RAPGEF4: variants seen among roughly 807,000 people sequenced by gnomAD.
RAPGEF4 encodes Rap guanine nucleotide exchange factor 4.
A neutral mutation model predicts 147.9 loss-of-function variants in RAPGEF4; 66 were observed. That is an observed-to-expected ratio of 0.45 (90% CI 0.37 to 0.55). The LOEUF (loss-of-function observed/expected upper bound fraction) is 0.55, where lower values mean the gene tolerates loss of function less well. Ranked by LOEUF, RAPGEF4 falls within the 20% of genes least tolerant of loss-of-function variation. RAPGEF4 has a pLI of 0.00. For synonymous variants in RAPGEF4, 419 were observed against 442.7 expected (o/e 0.95, Z 0.67); for missense variants, 1,071 against 1,257.3 (o/e 0.85, Z 2.24).
intron 5 of RAPGEF4, among the ~76,000 whole-genome samples, chr2:172,919,106 A>G (rs902568932): frequency 6.6e-6 from 1 of 152,020 alleles, no homozygotes; most frequent in Non-Finnish European, 1.5e-5. Context: ...CTCCTGGCTG[A>G]GCCAGGGATG....
chr2:172,799,595 G>A (rs1226675517), intron 3 of RAPGEF4, among the ~76,000 whole-genome samples: 1 of 152,138 alleles, frequency 6.6e-6, no homozygotes, highest in Non-Finnish European at 1.5e-5. Flanking sequence ...CTGCATAGAT[G>A]TTCCCTGGGG....
chr2:173,027,484 G>A (rs369044490), intron 25 of RAPGEF4, among the ~76,000 whole-genome samples: 2 of 152,314 alleles, frequency 1.3e-5, no homozygotes, highest in African/African-American at 4.8e-5. Context: ...TGCTGGAGTC[G>A]AAGTTGTGAC....
At chr2:173,033,993 T>A (rs1379278841) in intron 27 of RAPGEF4, 29 bp downstream of exon 27, 2 of 1,594,008 alleles carry the variant, frequency 1.3e-6, no homozygotes, top group Non-Finnish European at 1.7e-6. Context: ...TTTATTCTGT[T>A]CACTGTCTAC....
intron 6 of RAPGEF4, among the ~76,000 whole-genome samples, chr2:172,934,132 ATATTT>A (rs148324338): frequency 0.027 from 3,767 of 141,902 alleles, 62 homozygotes; most frequent in Middle Eastern, 0.039. Flanking sequence ...AAAAATAACT[ATATTT>A]TATTTAATCC....
intron 13 of RAPGEF4, 67 bp from the exon 14 acceptor site, chr2:172,988,624 TGG>T: frequency 6.7e-7 from 1 of 1,495,566 alleles, no homozygotes; most frequent in South Asian, 1.2e-5. Flanking sequence ...GGGGGTCTTG[TGG>T]CAGGAGGTGG....
chr2:172,884,359 A>G (rs955769201), intron 4 of RAPGEF4, among the ~76,000 whole-genome samples: 24 of 152,220 alleles, frequency 1.6e-4, no homozygotes, highest in African/African-American at 5.5e-4. Flanking sequence ...TGATTAGGAA[A>G]CTTGTGTTTG....
At chr2:172,877,985 TTGTC>T (rs1318239327) in intron 4 of RAPGEF4, among the ~76,000 whole-genome samples, 2 of 152,198 alleles carry the variant, frequency 1.3e-5, no homozygotes, top group East Asian at 3.8e-4. Flanking sequence ...CTAAGAAACT[TTGTC>T]TGTGACCCCT....
At chr2:172,848,639 T>A (rs1009393822) in intron 4 of RAPGEF4, among the ~76,000 whole-genome samples, 1 of 152,202 alleles carries the variant, frequency 6.6e-6, no homozygotes. Flanking sequence ...GGAAGATTTT[T>A]ATCATCTTAC....
At chr2:172,948,033 G>T (rs1337131557) in intron 6 of RAPGEF4, among the ~76,000 whole-genome samples, 1 of 152,098 alleles carries the variant, frequency 6.6e-6, no homozygotes, top group African/African-American at 2.4e-5. Flanking sequence ...GAAATCATCT[G>T]GTGTATACCT....
intron 10 of RAPGEF4, among the ~76,000 whole-genome samples, chr2:172,973,309 C>T (rs1428382529): frequency 6.6e-6 from 1 of 151,886 alleles, no homozygotes; most frequent in African/African-American, 2.4e-5. Context: ...GACAAGGTCT[C>T]ATTATATTGC....
chr2:173,028,562 T>G (rs560385026), intron 25 of RAPGEF4, among the ~76,000 whole-genome samples: 2 of 152,248 alleles, frequency 1.3e-5, no homozygotes, highest in South Asian at 4.1e-4. Flanking sequence ...TTTTTTTATA[T>G]ATATATATTT....
intron 3 of RAPGEF4, among the ~76,000 whole-genome samples, chr2:172,801,839 C>A (rs2149567758): frequency 6.6e-6 from 1 of 152,226 alleles, no homozygotes; most frequent in Admixed American, 6.5e-5. Context: ...CCAACTCCCA[C>A]CTGGGTGTCT....
chr2:172,872,893 C>G (rs1695413672), intron 4 of RAPGEF4, among the ~76,000 whole-genome samples: 1 of 152,076 alleles, frequency 6.6e-6, no homozygotes, highest in Non-Finnish European at 1.5e-5. Context: ...CTTCCAGCTT[C>G]ACAAGCAGTA....
rs186970689 is a variant in RAPGEF4 at position 173,044,880 on chromosome 2, A to G, written c.2854-3720A>G. On this transcript the variant is annotated intron_variant, in intron 29 of 30. Coordinates refer to ENST00000397081, the MANE Select transcript of RAPGEF4 (RefSeq NM_007023.4). ...CAGGCTGGCTACTGGGGAAAAAAAGATGAGAATCTGTGCTTTGGAGTAATC... is the reference window on the plus strand; with the variant it reads ...CAGGCTGGCTACTGGGGAAAAAAAGGTGAGAATCTGTGCTTTGGAGTAATC... Among the ~76,000 whole-genome samples, 11 of 152,248 alleles carry G rather than the reference A, an allele frequency of 7.2e-5. No homozygotes were observed. The East Asian group carries it at 7.7e-4, about 11-fold the overall frequency.
intron 4 of RAPGEF4, among the ~76,000 whole-genome samples, chr2:172,866,562 A>G (rs965398977): frequency 1.8e-4 from 28 of 152,100 alleles, no homozygotes; most frequent in African/African-American, 6.8e-4. Context: ...GCTTCCGTTA[A>G]TACATACATA....
intron 4 of RAPGEF4, among the ~76,000 whole-genome samples, chr2:172,893,517 G>A (rs1001980575): frequency 6.6e-6 from 1 of 152,150 alleles, no homozygotes; most frequent in African/African-American, 2.4e-5. Flanking sequence ...TGGGAGTTGA[G>A]CACAAGACTT....
chr2:172,806,019 G>C (rs1439308924), intron 3 of RAPGEF4, among the ~76,000 whole-genome samples: 623 of 5,546 alleles, frequency 0.11, 5 homozygotes, highest in East Asian at 0.36. Flanking sequence ...ATCCGGCTGT[G>C]TGTGTGTGTG....
intron 10 of RAPGEF4, among the ~76,000 whole-genome samples, chr2:172,974,763 A>C (rs1690892037): frequency 6.6e-6 from 1 of 152,216 alleles, no homozygotes; most frequent in Non-Finnish European, 1.5e-5. Context: ...TTCACCATCT[A>C]CTGTGGAAAA....
intron 6 of RAPGEF4, among the ~76,000 whole-genome samples, chr2:172,923,982 T>A (rs918629764): frequency 2.0e-5 from 3 of 152,232 alleles, no homozygotes; most frequent in African/African-American, 4.8e-5. Flanking sequence ...AAAAAATCTT[T>A]GTATGTTGAG....
Sources: allele counts gnomAD v4.1 joint callset (sites outside exome capture counted in the v4.1 genomes callset), GRCh38; gene constraint gnomAD v4.1.1; transcripts MANE v1.5; gene names NCBI Gene and HGNC (gene_info 2026-07-23, HGNC 2026-07-21).